The following LTBP1 variants were observed in gnomAD, a reference collection of about 807,000 sequenced individuals.
The protein encoded by LTBP1 is latent-transforming growth factor beta-binding protein 1.
A neutral mutation model predicts 207.6 loss-of-function variants in LTBP1; 129 were observed. The observed-to-expected ratio is 0.62, with a 90% confidence interval of 0.54 to 0.72. LTBP1 has a LOEUF of 0.72. Ranked by LOEUF, LTBP1 falls within the 30% of genes least tolerant of loss-of-function variation. The probability of loss-of-function intolerance (pLI) is 0.00; values close to 1 mark genes in which losing one functional copy is unlikely to be tolerated. For synonymous variants in LTBP1, 963 were observed against 833.7 expected (o/e 1.16, Z -2.67); for missense variants, 2,281 against 2,217.2 (o/e 1.03, Z -0.58).
intron 3 of LTBP1, among the ~76,000 whole-genome samples, chr2:33,079,497 T>G (rs1031065770): frequency 3.3e-5 from 5 of 152,216 alleles, no homozygotes; most frequent in Admixed American, 3.3e-4. Context: ...AAATCCAATG[T>G]TAATAGAAAG....
intron 7 of LTBP1, among the ~76,000 whole-genome samples, chr2:33,210,087 A>G (rs530358884): frequency 2.6e-4 from 40 of 152,206 alleles, no homozygotes; most frequent in Admixed American, 4.6e-4. Flanking sequence ...ACTGAGTTCA[A>G]GGGGAATGTG....
At chr2:33,196,548 A>T (rs1043132748) in intron 7 of LTBP1, among the ~76,000 whole-genome samples, 5 of 152,132 alleles carry the variant, frequency 3.3e-5, no homozygotes, top group Non-Finnish European at 7.3e-5. Context: ...AAAGGAGATG[A>T]CTATAGGGGA....
At chr2:32,987,326 A>T (rs1462118787) in intron 2 of LTBP1, among the ~76,000 whole-genome samples, 3 of 152,088 alleles carry the variant, frequency 2.0e-5, no homozygotes, top group Non-Finnish European at 4.4e-5. Context: ...AGGAAGGAAT[A>T]GAAGACCCTT....
intron 2 of LTBP1, among the ~76,000 whole-genome samples, chr2:32,976,886 G>A (rs547259975): frequency 2.0e-5 from 3 of 152,292 alleles, no homozygotes; most frequent in South Asian, 4.1e-4. Context: ...GAGCCGTGAG[G>A]GTGAGTGAGG....
chr2:33,090,357 A>T (rs993768068), intron 3 of LTBP1, among the ~76,000 whole-genome samples: 2 of 152,084 alleles, frequency 1.3e-5, no homozygotes, highest in African/African-American at 4.8e-5. Context: ...TGGTGGACTG[A>T]TATTCTCATA....
chr2:32,970,839 C>T (rs1680744092), intron 2 of LTBP1, among the ~76,000 whole-genome samples: 1 of 151,830 alleles, frequency 6.6e-6, no homozygotes, highest in African/African-American at 2.4e-5. Flanking sequence ...CTGTAAATTG[C>T]TTTGGGCAGT....
chr2:33,375,242 G>A (rs10495787), intron 31 of LTBP1, among the ~76,000 whole-genome samples: 6 of 151,996 alleles, frequency 3.9e-5, no homozygotes, highest in East Asian at 3.9e-4. Flanking sequence ...GCGCCATAGC[G>A]AAAGGCGTTA....
chr2:33,110,018 C>T (rs960356546), intron 3 of LTBP1, among the ~76,000 whole-genome samples: 6 of 152,192 alleles, frequency 3.9e-5, no homozygotes, highest in South Asian at 2.1e-4. Flanking sequence ...GTACTTTCTT[C>T]GCTATTTCCC....
intron 2 of LTBP1, among the ~76,000 whole-genome samples, chr2:33,018,247 G>T (rs140721977): frequency 6.1e-4 from 91 of 150,018 alleles, no homozygotes; most frequent in African/African-American, 2.1e-3. Flanking sequence ...AACCATCCAT[G>T]TCTTCCTTAA....
chr2:33,244,338 T>G (rs1370855607), intron 10 of LTBP1, among the ~76,000 whole-genome samples: 2 of 152,204 alleles, frequency 1.3e-5, no homozygotes, highest in African/African-American at 2.4e-5. Flanking sequence ...TCTTGTTCTT[T>G]AAACCCACCA....
At chr2:33,007,557 G>A (rs1396769528) in intron 2 of LTBP1, among the ~76,000 whole-genome samples, 1 of 152,230 alleles carries the variant, frequency 6.6e-6, no homozygotes, top group South Asian at 2.1e-4. Context: ...CGCTATCACT[G>A]TTTTACGCTG....
Position 33,108,818 on chromosome 2 carries a change from T to G in LTBP1, c.864-1764T>G, listed in dbSNP as rs77625768. Among the ~76,000 whole-genome samples the G allele has an allele frequency of 7.9e-3, 1,211 of 152,332 alleles. 11 individuals are homozygous for G. Among genetic ancestry groups the G allele is most frequent in the Middle Eastern group, 0.01 (3 of 294 alleles). On this transcript the variant is annotated intron_variant, in intron 3 of 33. Transcript: ENST00000404816. ...GCTGATAGAAGAGACTTGTGGTTCT[T>G]ATCAGTCACTACCAGATGTGTCCAG...
intron 7 of LTBP1, among the ~76,000 whole-genome samples, chr2:33,210,361 C>CT (rs1407843610): frequency 2.6e-5 from 4 of 152,084 alleles, no homozygotes; most frequent in Non-Finnish European, 4.4e-5. Flanking sequence ...TAGTTTCTTC[C>CT]TTTTCCTCCC....
At position 33,000,506 on chromosome 2, in the gene LTBP1, A is replaced by G. The variant is rs1347503032; in HGVS notation, c.566-20403A>G. On this transcript the variant is annotated intron_variant, in intron 2 of 33. Transcript: ENST00000404816. Reference sequence around the variant, plus strand: ...GGGAAGGGTGCTAAGTGAAAATGCTATGTAAACTGCATGCTGTTTGCAAGT... The same window carrying G: ...GGGAAGGGTGCTAAGTGAAAATGCTGTGTAAACTGCATGCTGTTTGCAAGT... Among the ~76,000 whole-genome samples, 2 of 134,796 alleles carry G rather than the reference A, an allele frequency of 1.5e-5. 1 individual carries two copies. Among genetic ancestry groups the G allele is most frequent in the Non-Finnish European group, 3.3e-5 (2 of 61,266 alleles). 88.4% of individuals were successfully genotyped at this position (134,796 alleles called of 152,430 possible).
chr2:33,173,097 A>G lies in LTBP1; in HGVS notation c.1202-13759A>G, dbSNP rs1170150481. On this transcript the variant is annotated intron_variant, in intron 5 of 33. Coordinates refer to ENST00000404816, the MANE Select transcript of LTBP1 (RefSeq NM_206943.4). ...CCCTAATATCTCAATTAAAAGAACTAGAAAAGCAAGAGCAAACACATTCAA... is the reference window on the plus strand; with the variant it reads ...CCCTAATATCTCAATTAAAAGAACTGGAAAAGCAAGAGCAAACACATTCAA... 1.5e-4 allele frequency among the ~76,000 whole-genome samples: 23 copies of G among 152,354 alleles called. No individual in the cohort carries two copies. The East Asian group carries it at 3.9e-3, about 26-fold the overall frequency.
intron 24 of LTBP1, among the ~76,000 whole-genome samples, chr2:33,330,992 A>G (rs1336151543): frequency 1.3e-5 from 2 of 151,988 alleles, no homozygotes; most frequent in African/African-American, 4.8e-5. Flanking sequence ...TGTCAGTTTC[A>G]GTAAGTTTTG....
At chr2:33,344,752 T>C (rs985658709) in intron 25 of LTBP1, among the ~76,000 whole-genome samples, 7 of 152,304 alleles carry the variant, frequency 4.6e-5, no homozygotes, top group Admixed American at 2.0e-4. Flanking sequence ...CTCTATATGA[T>C]TGAAAACTTT....
chr2:33,289,216 A>G (rs73925003), intron 19 of LTBP1, among the ~76,000 whole-genome samples: 344 of 152,298 alleles, frequency 2.3e-3, no homozygotes, highest in African/African-American at 7.5e-3. Flanking sequence ...ACATCTTTGA[A>G]CTATCTGCCT....
chr2:33,303,647 G>A (rs1200200385), intron 22 of LTBP1, among the ~76,000 whole-genome samples: 1 of 152,052 alleles, frequency 6.6e-6, no homozygotes, highest in Admixed American at 6.6e-5. Context: ...ACCGCACCTG[G>A]CCTGCATTGG....
Sources: gnomAD v4.1 joint callset for allele counts (sites outside exome capture counted in the v4.1 genomes callset) on GRCh38, gnomAD v4.1.1 for gene constraint, MANE v1.5 for transcripts, NCBI Gene and HGNC (gene_info 2026-07-23, HGNC 2026-07-21) for gene names.